TRABD2B: variants seen among roughly 807,000 people sequenced by gnomAD.
TRABD2B encodes TraB domain containing 2B, also known as metalloprotease TIKI2.
Under a neutral mutation model 40.1 loss-of-function variants are expected in TRABD2B, and 14 were observed. The observed-to-expected ratio is 0.35, with a 90% confidence interval of 0.23 to 0.55. The LOEUF (loss-of-function observed/expected upper bound fraction) is 0.55. TRABD2B is among the 20% of genes least tolerant of loss of function. The pLI is 0.90. For synonymous variants in TRABD2B, 263 were observed against 277.0 expected, an observed-to-expected ratio of 0.95 and a Z score of 0.50; for missense variants, 541 against 648.6, an observed-to-expected ratio of 0.83 and a Z score of 1.80.
intron 2 of TRABD2B, among the ~76,000 whole-genome samples, chr1:47,870,258 T>C (rs1320817208): frequency 2.6e-5 from 4 of 152,054 alleles, no homozygotes; most frequent in Admixed American, 6.6e-5. Flanking sequence ...TCACTCCCCA[T>C]TAGAGATGCA....
chr1:47,879,118 A>G (rs1202503645), intron 2 of TRABD2B, among the ~76,000 whole-genome samples: 2 of 151,914 alleles, frequency 1.3e-5, no homozygotes, highest in Non-Finnish European at 2.9e-5. Context: ...AAAAAAAAAA[A>G]AGTTTATGCA....
intron 2 of TRABD2B, among the ~76,000 whole-genome samples, chr1:47,914,649 T>C (rs1644806374): frequency 6.6e-6 from 1 of 152,290 alleles, no homozygotes; most frequent in East Asian, 1.9e-4. Context: ...CTGTGCCTCT[T>C]TCCCTCCATT....
intron 6 of TRABD2B, among the ~76,000 whole-genome samples, chr1:47,771,894 C>T (rs1325223462): frequency 3.3e-5 from 5 of 152,176 alleles, no homozygotes; most frequent in Non-Finnish European, 5.9e-5. Flanking sequence ...AGGTGGCATC[C>T]GGGACAGGCA....
At chr1:47,934,039 G>A (rs1163914071) in intron 2 of TRABD2B, among the ~76,000 whole-genome samples, 1 of 152,238 alleles carries the variant, frequency 6.6e-6, no homozygotes, top group Non-Finnish European at 1.5e-5. Context: ...GAAAGAAGGG[G>A]TTGGGGAAAA....
At chr1:47,817,024 G>A (rs577969515) in intron 2 of TRABD2B, among the ~76,000 whole-genome samples, 41 of 152,160 alleles carry the variant, frequency 2.7e-4, no homozygotes, top group Middle Eastern at 3.4e-3. Flanking sequence ...ACTCATTCTC[G>A]TATCCCAGTA....
intron 2 of TRABD2B, among the ~76,000 whole-genome samples, chr1:47,827,411 C>T (rs1421794459): frequency 1.3e-5 from 2 of 152,232 alleles, no homozygotes; most frequent in Non-Finnish European, 1.5e-5. Context: ...TGGCAAGACC[C>T]TTATCTCTCT....
At chr1:47,772,158 T>C (rs1644385574) in intron 6 of TRABD2B, among the ~76,000 whole-genome samples, 1 of 152,046 alleles carries the variant, frequency 6.6e-6, no homozygotes, top group Admixed American at 6.5e-5. Context: ...TCTGCCTGAC[T>C]CTCTGCCTGG....
chr1:47,908,571 C>T lies in TRABD2B; in HGVS notation c.666+85463G>A, dbSNP rs76909011. Reference sequence around the variant, plus strand: ...CTGCACAGGCTCCTATTCTCTCCCTCCTGTGCCTCTCCTTCACTCTCATTT... The same window carrying T: ...CTGCACAGGCTCCTATTCTCTCCCTTCTGTGCCTCTCCTTCACTCTCATTT... On this transcript the variant is annotated intron_variant, in intron 2 of 6. Coordinates refer to ENST00000606738, the MANE Select transcript of TRABD2B (RefSeq NM_001194986.2). Among the ~76,000 whole-genome samples the T allele has an allele frequency of 9.1e-3, 1,384 of 152,324 alleles. 23 individuals carry two copies. The highest frequency in any genetic ancestry group is 0.03 in the African/African-American group (1,256 of 41,558).
chr1:47,909,469 G>A (rs745945516), intron 2 of TRABD2B, among the ~76,000 whole-genome samples: 1,591 of 94,600 alleles, frequency 0.017, 16 homozygotes, highest in Non-Finnish European at 0.026. Flanking sequence ...AAGGAGAAGG[G>A]GAAGGAGAAG....
At chr1:47,888,065 G>C (rs1225432491) in intron 2 of TRABD2B, among the ~76,000 whole-genome samples, 1 of 152,184 alleles carries the variant, frequency 6.6e-6, no homozygotes, top group African/African-American at 2.4e-5. Flanking sequence ...GTTTATTATT[G>C]AACGGGGGCT....
rs143032498 is a variant in TRABD2B at position 47,952,323 on chromosome 1, C to T, written c.666+41711G>A. ...TCCTCCAGGAATCCTCCCTTGCTCC[C>T]TCCTGCCTCTGCTCATCTAGCCCTT... is the stretch of plus-strand genomic sequence containing the variant. On this transcript the variant is annotated intron_variant, in intron 2 of 6. Coordinates refer to ENST00000606738, the MANE Select transcript of TRABD2B (RefSeq NM_001194986.2). Among the ~76,000 whole-genome samples the T allele has an allele frequency of 8.7e-3, 1,331 of 152,336 alleles. 67 individuals carry two copies. Among genetic ancestry groups the T allele is most frequent in the Admixed American group, 0.081 (1,233 of 15,296 alleles).
intron 2 of TRABD2B, among the ~76,000 whole-genome samples, chr1:47,951,985 G>A (rs570465649): frequency 6.6e-6 from 1 of 152,334 alleles, no homozygotes; most frequent in East Asian, 1.9e-4. Context: ...ATAGGAGCTG[G>A]GAGTTCTGAC....
intron 2 of TRABD2B, among the ~76,000 whole-genome samples, chr1:47,845,323 T>G (rs1260972452): frequency 1.3e-5 from 2 of 152,222 alleles, no homozygotes; most frequent in African/African-American, 4.8e-5. Flanking sequence ...AATCCACACT[T>G]TCTCTTCTTA....
chr1:47,795,004 C>T (rs1644729280), intron 3 of TRABD2B, among the ~76,000 whole-genome samples: 1 of 152,160 alleles, frequency 6.6e-6, no homozygotes, highest in Admixed American at 6.5e-5. Flanking sequence ...CCTCCTGGCT[C>T]AAGCAATCCT....
intron 2 of TRABD2B, among the ~76,000 whole-genome samples, chr1:47,862,718 T>C (rs2352872): frequency 0.98 from 148,804 of 152,232 alleles, 72,831 homozygotes; most frequent in East Asian, 1. Flanking sequence ...TTATTTTGTG[T>C]CTATCAACAA....
At chr1:47,838,554 A>G (rs1645349964) in intron 2 of TRABD2B, among the ~76,000 whole-genome samples, 1 of 152,228 alleles carries the variant, frequency 6.6e-6, no homozygotes, top group African/African-American at 2.4e-5. Flanking sequence ...TCAGTAACCC[A>G]AGAGTGTTGA....
intron 2 of TRABD2B, among the ~76,000 whole-genome samples, chr1:47,928,292 C>T (rs1644996013): frequency 1.3e-5 from 2 of 152,206 alleles, no homozygotes; most frequent in Admixed American, 6.5e-5. Flanking sequence ...CCATAACATA[C>T]CCTATGGCCT....
At chr1:47,872,480 T>A (rs1263197956) in intron 2 of TRABD2B, among the ~76,000 whole-genome samples, 3 of 152,174 alleles carry the variant, frequency 2.0e-5, no homozygotes, top group Non-Finnish European at 4.4e-5. Context: ...GCAACAGAGC[T>A]AGCAGCCTGG....
intron 2 of TRABD2B, among the ~76,000 whole-genome samples, chr1:47,867,975 AG>A (rs1644084296): frequency 6.6e-6 from 1 of 152,170 alleles, no homozygotes; most frequent in South Asian, 2.1e-4. Context: ...TATTACCTCG[AG>A]GGCAGGAAGA....
Sources: allele counts gnomAD v4.1 joint callset (sites outside exome capture counted in the v4.1 genomes callset), GRCh38; gene constraint gnomAD v4.1.1; transcripts MANE v1.5; gene names NCBI Gene and HGNC (gene_info 2026-07-23, HGNC 2026-07-21).